The following MAB21L3 variants were observed in gnomAD, a reference collection of about 807,000 sequenced individuals.
MAB21L3 encodes protein mab-21-like 3.
Under a neutral mutation model 37.7 loss-of-function variants are expected in MAB21L3, and 36 were observed. The ratio of observed to expected loss-of-function variants is 0.96; its 90% CI spans 0.73 to 1.26. The LOEUF is 1.26. MAB21L3 is among the 50% of genes most tolerant of loss of function. The pLI is 0.00. For synonymous variants in MAB21L3, 186 were observed against 176.8 expected (o/e 1.05, Z -0.41); for missense variants, 430 against 447.3 (o/e 0.96, Z 0.35).
rs151026501 is a variant in MAB21L3, at chr1:116,127,591, T to G, written c.607T>G (p.Trp203Gly). ...CACCACCTGGTCCAAGAAAGCCCGG[T>G]GGCCTCGATGTCTGCAGCGCTGGCC... ...IPTTWSKKAR[W>G]PRCLQRWPSQ... Residue 203 changes from tryptophan (W) to glycine (G), a missense_variant, in exon 6 of 8, where the codon TGG becomes GGG. Transcript: ENST00000369500. The G allele has an allele frequency of 2.7e-4, 433 of 1,614,024 alleles. No individual in the cohort carries two copies. Among genetic ancestry groups the G allele is most frequent in the Non-Finnish European group, 2.8e-4 (335 of 1,180,036 alleles).
At chr1:116,120,045 T>C (rs950037730) in intron 3 of MAB21L3, among the ~76,000 whole-genome samples, 1 of 152,098 alleles carries the variant, frequency 6.6e-6, no homozygotes, top group Non-Finnish European at 1.5e-5. Context: ...TGGTTTAATA[T>C]TCACACCATG....
At chr1:116,124,448 A>G in intron 5 of MAB21L3, 91 bp downstream of exon 5, 1 of 1,184,166 alleles carries the variant, frequency 8.4e-7, no homozygotes, top group South Asian at 1.5e-5. Context: ...TGCAGCTCAC[A>G]GCCTACATTT....
rs1004810519 is a variant in MAB21L3 at position 116,138,089 on chromosome 1, A to T, written c.*4724A>T. On this transcript the variant is annotated 3_prime_UTR_variant, in exon 8 of 8. Transcript: ENST00000369500. ...GTATACATATGTAACTAACCTGCAC[A>T]TTGTGCACATGTACCCTAAAACTTA... Among the ~76,000 whole-genome samples, 5 of 151,746 alleles carry T rather than the reference A, an allele frequency of 3.3e-5. No homozygotes were observed. Among genetic ancestry groups the T allele is most frequent in the African/African-American group, 9.7e-5 (4 of 41,278 alleles).
rs2101617525 is a variant in MAB21L3, at chr1:116,128,241, G to A, written c.757G>A (p.Gly253Arg). Residue 253 changes from glycine to arginine, a missense_variant, in exon 7 of 8, where the codon GGG becomes AGG. Coordinates refer to ENST00000369500, the MANE Select transcript of MAB21L3 (RefSeq NM_152367.3). The part of the protein sequence containing the change: ...QVLLEQLDED[G>R]GCRRKCFQVM... The stretch of plus-strand genomic sequence containing the variant: ...GTTACTGGAACAGCTGGATGAAGAT[G>A]GGGGCTGCCGTAGGAAGTGTTTTCA... The A allele has an allele frequency of 6.2e-7, 1 of 1,613,546 alleles. No homozygotes were observed. The highest frequency in any genetic ancestry group is 2.2e-5 in the East Asian group (1 of 44,822).
At chr1:116,131,746 T>G (rs895424769) in intron 7 of MAB21L3, among the ~76,000 whole-genome samples, 4 of 152,032 alleles carry the variant, frequency 2.6e-5, no homozygotes, top group Admixed American at 2.0e-4. Context: ...TTGAAGTATT[T>G]TAGATGAGAA....
At chr1:116,112,732 C>A in intron 3 of MAB21L3, 69 bp downstream of exon 3, 1 of 1,513,464 alleles carries the variant, frequency 6.6e-7, no homozygotes, top group Non-Finnish European at 9.2e-7. Flanking sequence ...AAACCTTCGT[C>A]CAGAAAGGAT....
chr1:116,113,221 A>G (rs1026887239), intron 3 of MAB21L3, among the ~76,000 whole-genome samples: 7 of 152,224 alleles, frequency 4.6e-5, no homozygotes, highest in African/African-American at 1.7e-4. Context: ...TCATTTACGG[A>G]TGAAGCTACT....
chr1:116,114,557 A>G (rs1659516927), intron 3 of MAB21L3, among the ~76,000 whole-genome samples: 1 of 152,222 alleles, frequency 6.6e-6, no homozygotes, highest in Non-Finnish European at 1.5e-5. Flanking sequence ...ACTCCTCTAT[A>G]TCTCTGCAAA....
chr1:116,127,863 C>T (rs1431888113), intron 6 of MAB21L3, among the ~76,000 whole-genome samples: 1 of 152,206 alleles, frequency 6.6e-6, no homozygotes, highest in African/African-American at 2.4e-5. Flanking sequence ...ACCCTGTGAA[C>T]AGGGCCCAGC....
rs771628023 is a variant in MAB21L3 at position 116,124,322 on chromosome 1, T to G, written c.446T>G (p.Leu149Arg). ...PAKVLLVFRK[L>R]VENAVRTCHL... ...AAGGTCCTCCTAGTGTTCCGGAAGC[T>G]GGTGGAAAATGCAGTTAGAACCTGT... Residue 149 changes from leucine to arginine, a missense_variant, in exon 5 of 8, where the codon CTG (leucine) becomes CGG (arginine). Leu to Arg is a moderately radical substitution (Grantham distance 102). Coordinates refer to ENST00000369500, the MANE Select transcript of MAB21L3 (RefSeq NM_152367.3). 1 of 1,613,912 alleles carries G rather than the reference T, an allele frequency of 6.2e-7. No homozygotes were observed. The highest frequency in any genetic ancestry group is 8.5e-7 in the Non-Finnish European group (1 of 1,179,994).
Position 116,133,159 on chromosome 1 carries a change from T to C in MAB21L3, c.883T>C (p.Tyr295His). Residue 295 changes from tyrosine (Y) to histidine (H), a missense_variant, in exon 8 of 8, where the codon TAT becomes CAT. Coordinates refer to ENST00000369500, the MANE Select transcript of MAB21L3 (RefSeq NM_152367.3). ...QTVLFWTCEKYPHFKDWQVFS... is the reference protein window; with the variant it reads ...QTVLFWTCEKHPHFKDWQVFS... ...TGTGCTCTTTTGGACCTGCGAGAAA[T>C]ATCCCCACTTTAAAGACTGGCAGGT... 3 of 1,614,192 alleles carry C rather than the reference T, an allele frequency of 1.9e-6. No homozygotes were observed. Among genetic ancestry groups the C allele is most frequent in the Non-Finnish European group, 2.5e-6 (3 of 1,180,024 alleles).
chr1:116,127,205 G>A (rs1659932543), intron 5 of MAB21L3, among the ~76,000 whole-genome samples: 1 of 152,128 alleles, frequency 6.6e-6, no homozygotes, highest in Non-Finnish European at 1.5e-5. Context: ...CCTTGGGGTT[G>A]GGGGAGAAAG....
Position 116,112,624 on chromosome 1 carries a change from C to T in MAB21L3, c.9C>T (p.Tyr3=), listed in dbSNP as rs1388590082. 8 of 1,613,574 alleles carry T rather than the reference C, an allele frequency of 5.0e-6. No individual in the cohort carries two copies. Among genetic ancestry groups the T allele is most frequent in the Non-Finnish European group, 5.9e-6 (7 of 1,179,900 alleles). MK[Y]LTVGDLEDCL... Reference sequence around the variant, plus strand: ...GGACTGACCAAGAAGCCATGAAATACCTTACTGTGGGAGACTTAGAAGATT... The same window carrying T: ...GGACTGACCAAGAAGCCATGAAATATCTTACTGTGGGAGACTTAGAAGATT... Residue 3 remains tyrosine (Y), a synonymous_variant, in exon 3 of 8, where the codon TAC becomes TAT. Transcript: ENST00000369500.
chr1:116,123,930 C>T, intron 4 of MAB21L3, 136 bp from the exon 5 acceptor site: 1 of 797,572 alleles, frequency 1.3e-6, no homozygotes, highest in Non-Finnish European at 2.0e-6. Context: ...AGGTCGAGGT[C>T]TCCGTGTATC....
rs781697382 is a variant in MAB21L3, at chr1:116,121,010, A to G, written c.127A>G (p.Ser43Gly). 5.6e-6 allele frequency: 9 copies of G among 1,614,162 alleles called. No individual in the cohort carries two copies. The East Asian group carries it at 1.6e-4, about 28-fold the overall frequency. The change falls in exon 4 of 8, where the codon AGC (serine) becomes GGC (glycine). Residue 43 changes from serine to glycine, a missense_variant. Physicochemically the swap from Ser to Gly is moderately conservative, Grantham distance 56. Coordinates refer to ENST00000369500, the MANE Select transcript of MAB21L3 (RefSeq NM_152367.3). The part of the protein sequence containing the change: ...KVVHHLTTNI[S>G]NQDIRFQAVP... ...CGTTCATCATTTGACCACAAACATCAGCAACCAAGACATTAGATTTCAAGC... is the reference window on the plus strand; with the variant it reads ...CGTTCATCATTTGACCACAAACATCGGCAACCAAGACATTAGATTTCAAGC...
intron 3 of MAB21L3, among the ~76,000 whole-genome samples, chr1:116,116,950 A>T (rs1426206426): frequency 6.6e-6 from 1 of 152,026 alleles, no homozygotes; most frequent in Admixed American, 6.6e-5. Context: ...CTCGGTAAGA[A>T]TTTCACCATC....
rs149653030 is a variant in MAB21L3 at position 116,120,123 on chromosome 1, G to A, written c.49-809G>A. On this transcript the variant is annotated intron_variant, in intron 3 of 7. Transcript: ENST00000369500. ...TCACAAAACCCTGTGTGATGATCTG[G>A]TCCCTGCTTTCCTTTCCAAACTCAC... Among the ~76,000 whole-genome samples, 1,047 of 152,070 alleles carry A rather than the reference G, an allele frequency of 6.9e-3. 6 individuals are homozygous for A. The highest frequency in any genetic ancestry group is 0.011 in the Non-Finnish European group (728 of 68,000).
At chr1:116,130,774 T>C (rs1436697632) in intron 7 of MAB21L3, among the ~76,000 whole-genome samples, 1 of 152,214 alleles carries the variant, frequency 6.6e-6, no homozygotes, top group Non-Finnish European at 1.5e-5. Flanking sequence ...TAAAACCCAC[T>C]CAAAATACAT....
chr1:116,116,283 A>T (rs150419320), intron 3 of MAB21L3, among the ~76,000 whole-genome samples: 1 of 152,268 alleles, frequency 6.6e-6, no homozygotes, highest in East Asian at 1.9e-4. Context: ...GCTACCAAAT[A>T]GCACGGTGAT....
Sources: allele counts gnomAD v4.1 joint callset (sites outside exome capture counted in the v4.1 genomes callset), GRCh38; gene constraint gnomAD v4.1.1; transcripts MANE v1.5; gene names NCBI Gene and HGNC (gene_info 2026-07-23, HGNC 2026-07-21).